The following CHMP4C variants were observed in gnomAD, a reference collection of about 807,000 sequenced individuals.
CHMP4C encodes charged multivesicular body protein 4C, also known as SNF7 homolog associated with Alix 3.
In CHMP4C, 28 loss-of-function variants were observed where a neutral mutation model predicts 29.0. That is an observed-to-expected ratio of 0.97 (90% confidence interval 0.72 to 1.32). CHMP4C has a LOEUF of 1.32. Among genes scored for constraint, CHMP4C ranks in the 40% most tolerant of loss-of-function variants. The pLI, the probability that CHMP4C is intolerant of heterozygous loss-of-function variation, is 0.00. For synonymous variants in CHMP4C, 106 were observed against 102.4 expected, an observed-to-expected ratio of 1.04 and a Z score of -0.21; for missense variants, 291 against 281.0, an observed-to-expected ratio of 1.04 and a Z score of -0.25.
rs114287276 is a variant in CHMP4C at position 81,755,456 on chromosome 8, G to T, written c.455G>T (p.Arg152Leu). 1.2e-6 allele frequency: 2 copies of T among 1,611,274 alleles called. No homozygotes were observed. Among genetic ancestry groups the T allele is most frequent in the African/African-American group, 2.7e-5 (2 of 74,788 alleles). ...AQEISEAFSQ[R>L]VGFGDDFDED... is the part of the protein sequence containing the mutation. ...GAAATCTCAGAAGCATTTTCTCAAC[G>T]GGTTGGCTTTGGTGATGACTTTGAT... Residue 152 changes from arginine to leucine, a missense_variant, in exon 3 of 5, where the codon CGG becomes CTG. Physicochemically the swap from Arg to Leu is moderately radical, Grantham distance 102 (BLOSUM62 -2). Coordinates refer to ENST00000297265, the MANE Select transcript of CHMP4C (RefSeq NM_152284.4).
chr8:81,743,531 AG>A (rs1280897529), intron 1 of CHMP4C, among the ~76,000 whole-genome samples: 2 of 152,174 alleles, frequency 1.3e-5, no homozygotes, highest in East Asian at 3.8e-4. Context: ...AATATAAAAT[AG>A]ATTTTAATTA....
chr8:81,747,263 A>C (rs1341358342), intron 1 of CHMP4C, among the ~76,000 whole-genome samples: 1 of 152,118 alleles, frequency 6.6e-6, no homozygotes, highest in Non-Finnish European at 1.5e-5. Context: ...TTGCTTTTCT[A>C]GATTTTCAGA....
intron 1 of CHMP4C, among the ~76,000 whole-genome samples, chr8:81,746,762 T>C (rs937270380): frequency 6.6e-6 from 1 of 152,186 alleles, no homozygotes; most frequent in African/African-American, 2.4e-5. Context: ...TATGCTAACA[T>C]AGGTGTTTAA....
chr8:81,751,631 A>G (rs1670938744), intron 1 of CHMP4C, among the ~76,000 whole-genome samples: 1 of 152,228 alleles, frequency 6.6e-6, no homozygotes, highest in Middle Eastern at 3.4e-3. Context: ...TAATCGATCT[A>G]CATAAAGACA....
chr8:81,752,786 AT>A (rs1808920942), intron 1 of CHMP4C, among the ~76,000 whole-genome samples: 1 of 152,118 alleles, frequency 6.6e-6, no homozygotes, highest in Non-Finnish European at 1.5e-5. Context: ...TTGACAAAAC[AT>A]TTCTTTGGCA....
intron 1 of CHMP4C, among the ~76,000 whole-genome samples, chr8:81,747,564 T>C (rs1038557155): frequency 6.6e-6 from 1 of 152,132 alleles, no homozygotes; most frequent in African/African-American, 2.4e-5. Flanking sequence ...AAATGTTTTG[T>C]AATATTATGT....
intron 1 of CHMP4C, among the ~76,000 whole-genome samples, chr8:81,742,064 C>T (rs1808768521): frequency 1.3e-5 from 2 of 152,146 alleles, no homozygotes; most frequent in Non-Finnish European, 2.9e-5. Flanking sequence ...CTGTCCAAAG[C>T]TTCTAAGATC....
chr8:81,743,542 A>C (rs1808788775), intron 1 of CHMP4C, among the ~76,000 whole-genome samples: 1 of 152,160 alleles, frequency 6.6e-6, no homozygotes, highest in African/African-American at 2.4e-5. Context: ...GATTTTAATT[A>C]GTGTATTGGT....
chr8:81,759,007 TAAA>T lies in CHMP4C; in HGVS notation c.*473_*475del. 1 of 44,364 alleles carries T rather than the reference TAAA, an allele frequency of 2.3e-5. No homozygotes were observed. Among genetic ancestry groups the T allele is most frequent in the Non-Finnish European group, 4.8e-5 (1 of 20,710 alleles). The allele number at this position is 44,364 out of a possible 1,614,324, so 2.7% of individuals were successfully genotyped here. A position where few individuals can be genotyped will look rare whatever the true frequency, so the allele number is the denominator to read the frequency against. ...CAGAGGGAGACTCCGTCTCAAAAAC[TAAA>T]AAAAAAAAATACATTTAGTATAGCG... On this transcript the variant is annotated 3_prime_UTR_variant, in exon 5 of 5. Transcript: ENST00000297265.
At chr8:81,737,557 T>A (rs1306397117) in intron 1 of CHMP4C, among the ~76,000 whole-genome samples, 1 of 152,236 alleles carries the variant, frequency 6.6e-6, no homozygotes, top group Non-Finnish European at 1.5e-5. Context: ...TCCATTTTTT[T>A]GCATATTTAA....
chr8:81,736,065 G>A (rs1240279001), intron 1 of CHMP4C, among the ~76,000 whole-genome samples: 1 of 150,610 alleles, frequency 6.6e-6, no homozygotes, highest in Non-Finnish European at 1.5e-5. Context: ...CAGCCTGAGC[G>A]ACAGAGTCAG....
rs545505582 is a variant in CHMP4C, at chr8:81,755,617, G to T, written c.483+133G>T. On this transcript the variant is annotated intron_variant, in intron 3 of 4. Transcript: ENST00000297265. Reference sequence around the variant, plus strand: ...TGTAAGAAAGGTACTTCTCTTAAGAGAAAAATAAAGTGTTAGTACCTCTGA... The same window carrying T: ...TGTAAGAAAGGTACTTCTCTTAAGATAAAAATAAAGTGTTAGTACCTCTGA... 7.0e-5 allele frequency: 36 copies of T among 514,590 alleles called. 1 individual carries two copies. The highest frequency in any genetic ancestry group is 3.8e-4 in the East Asian group (12 of 31,746). 31.9% of individuals were successfully genotyped at this position (514,590 alleles called of 1,614,324 possible).
intron 2 of CHMP4C, among the ~76,000 whole-genome samples, chr8:81,753,760 CCAGGTCAA>C (rs1316626745): frequency 6.6e-6 from 1 of 152,004 alleles, no homozygotes; most frequent in Non-Finnish European, 1.5e-5. Context: ...GGCTATAATC[CCAGGTCAA>C]CTGCTGACTA....
intron 1 of CHMP4C, among the ~76,000 whole-genome samples, chr8:81,744,531 G>A (rs903242862): frequency 6.6e-6 from 1 of 152,136 alleles, no homozygotes; most frequent in African/African-American, 2.4e-5. Context: ...GTTGAACAAG[G>A]TTACTGCTAC....
intron 1 of CHMP4C, among the ~76,000 whole-genome samples, chr8:81,748,778 T>A (rs1393368987): frequency 6.6e-6 from 1 of 151,948 alleles, no homozygotes; most frequent in Non-Finnish European, 1.5e-5. Context: ...ATACAAAAAA[T>A]TAGCTTGTCA....
chr8:81,751,629 C>G (rs970449682), intron 1 of CHMP4C, among the ~76,000 whole-genome samples: 4 of 151,842 alleles, frequency 2.6e-5, no homozygotes, highest in African/African-American at 7.3e-5. Context: ...TTTAATCGAT[C>G]TACATAAAGA....
At chr8:81,740,217 G>A (rs572206644) in intron 1 of CHMP4C, among the ~76,000 whole-genome samples, 35 of 152,280 alleles carry the variant, frequency 2.3e-4, no homozygotes, top group South Asian at 1.5e-3. Flanking sequence ...CCGCTGAGGC[G>A]GCAGTCCCCA....
Position 81,732,572 on chromosome 8 carries a change from C to T in CHMP4C, c.-55C>T. On this transcript the variant is annotated 5_prime_UTR_variant, in exon 1 of 5. Coordinates refer to ENST00000297265, the MANE Select transcript of CHMP4C (RefSeq NM_152284.4). ...TGCTCACCTGTCCCCTCGGCGCGGC[C>T]CCGGGGAGCTCCCGAGAGGCCCCCG... 1.4e-6 allele frequency: 2 copies of T among 1,415,268 alleles called. No individual in the cohort carries two copies. The highest frequency in any genetic ancestry group is 2.5e-5 in the East Asian group (1 of 39,990). 87.7% of individuals were successfully genotyped at this position (1,415,268 alleles called of 1,614,324 possible).
Position 81,758,593 on chromosome 8 carries a change from TA to T in CHMP4C, c.*55del, listed in dbSNP as rs773909459. 2 of 1,235,106 alleles carry T rather than the reference TA, an allele frequency of 1.6e-6. No homozygotes were observed. The highest frequency in any genetic ancestry group is 1.5e-5 in the African/African-American group (1 of 66,564). The allele number at this position is 1,235,106 out of a possible 1,614,324, so 76.5% of individuals were successfully genotyped here. A position where few individuals can be genotyped will look rare whatever the true frequency, so the allele number is the denominator to read the frequency against. On this transcript the variant is annotated 3_prime_UTR_variant, in exon 5 of 5. Coordinates refer to ENST00000297265, the MANE Select transcript of CHMP4C (RefSeq NM_152284.4). ...AAATTAATGAGCTATAGATAAAATA[TA>T]AAAAATGTTTTTACCAAGTTCAGAA...
Sources: allele counts gnomAD v4.1 joint callset (sites outside exome capture counted in the v4.1 genomes callset), GRCh38; gene constraint gnomAD v4.1.1; transcripts MANE v1.5; gene names NCBI Gene and HGNC (gene_info 2026-07-23, HGNC 2026-07-21).